Variants in ANO4 observed in about 807,000 individuals in gnomAD.
The protein encoded by ANO4 is anoctamin-4.
In ANO4, 69 loss-of-function variants were observed where a neutral mutation model predicts 141.9. The observed-to-expected ratio is 0.49, with a 90% CI of 0.40 to 0.59. The LOEUF (loss-of-function observed/expected upper bound fraction) is 0.59. Among genes scored for constraint, ANO4 ranks in the 20% least tolerant of loss-of-function variants. The pLI is 0.00. For synonymous variants in ANO4, 350 were observed against 394.3 expected (o/e 0.89, Z 1.33); for missense variants, 894 against 1,162.2 (o/e 0.77, Z 3.36).
intron 9 of ANO4, among the ~76,000 whole-genome samples, chr12:101,027,064 T>A (rs1397168135): frequency 6.6e-6 from 1 of 152,126 alleles, no homozygotes; most frequent in Non-Finnish European, 1.5e-5. Flanking sequence ...ACTAGGTGGC[T>A]AGACTTGATC....
At chr12:100,859,103 C>T (rs761325173) in intron 1 of ANO4, 3 of 152,138 alleles carry the variant, frequency 2.0e-5, no homozygotes, top group Admixed American at 2.0e-4. Flanking sequence ...TCAGGCTGTT[C>T]ACAAGTATAT....
At chr12:100,768,059 G>A (rs117771641) in intron 3 of ANO4, among the ~76,000 whole-genome samples, 1 of 152,286 alleles carries the variant, frequency 6.6e-6, no homozygotes, top group Non-Finnish European at 1.5e-5. Context: ...CTGGCACTGG[G>A]GCAGTTCTGA....
intron 1 of ANO4, chr12:100,859,332 GT>G (rs2038352018): frequency 2.0e-5 from 3 of 152,130 alleles, no homozygotes; most frequent in Admixed American, 2.0e-4. Flanking sequence ...TTTGACAGTA[GT>G]TGCTCTATCA....
intron 1 of ANO4, among the ~76,000 whole-genome samples, chr12:100,888,505 G>C (rs942791170): frequency 2.6e-5 from 4 of 152,228 alleles, no homozygotes; most frequent in Non-Finnish European, 4.4e-5. Context: ...CCTTGCAGAG[G>C]GCTTTCCAAA....
intron 1 of ANO4, among the ~76,000 whole-genome samples, chr12:100,892,589 T>A (rs2040157981): frequency 6.6e-6 from 1 of 152,188 alleles, no homozygotes; most frequent in Admixed American, 6.5e-5. Context: ...CCTCCCTCCC[T>A]TCCCCAGATA....
intron 3 of ANO4, among the ~76,000 whole-genome samples, chr12:100,754,449 G>C (rs1156930765): frequency 6.9e-6 from 1 of 145,316 alleles, no homozygotes; most frequent in Admixed American, 7.2e-5. Flanking sequence ...TGTTGTCATT[G>C]TCTAAAACAC....
At chr12:101,058,520 T>C (rs1159272596) in intron 14 of ANO4, among the ~76,000 whole-genome samples, 1 of 152,246 alleles carries the variant, frequency 6.6e-6, no homozygotes, top group Admixed American at 6.5e-5. Context: ...CATTTGTTTG[T>C]GTCCTCTCTC....
intron 4 of ANO4, among the ~76,000 whole-genome samples, chr12:100,941,425 T>C (rs2042506534): frequency 1.3e-5 from 2 of 152,180 alleles, no homozygotes; most frequent in African/African-American, 4.8e-5. Flanking sequence ...TAAAAAATGG[T>C]ATCATGTGGT....
chr12:100,967,010 C>A (rs1052288704), intron 5 of ANO4, among the ~76,000 whole-genome samples: 2 of 151,986 alleles, frequency 1.3e-5, no homozygotes, highest in African/African-American at 4.8e-5. Flanking sequence ...GTGACTGTTA[C>A]ATACCAAGGC....
intron 24 of ANO4, among the ~76,000 whole-genome samples, chr12:101,113,940 A>C (rs925173858): frequency 6.6e-6 from 1 of 152,226 alleles, no homozygotes; most frequent in Non-Finnish European, 1.5e-5. Flanking sequence ...AAGTGCCTAC[A>C]GAGGCCATCT....
chr12:100,769,741 C>T (rs2033220084), intron 3 of ANO4, among the ~76,000 whole-genome samples: 1 of 152,166 alleles, frequency 6.6e-6, no homozygotes, highest in South Asian at 2.1e-4. Context: ...ACTTCTCCCA[C>T]CCCATAGCTG....
intron 25 of ANO4, among the ~76,000 whole-genome samples, chr12:101,118,709 T>A (rs2050954185): frequency 6.6e-6 from 1 of 152,182 alleles, no homozygotes; most frequent in Non-Finnish European, 1.5e-5. Context: ...TGGAGCTTTC[T>A]TTTTATTTAT....
At chr12:100,840,657 C>T (rs1006858669) in intron 1 of ANO4, among the ~76,000 whole-genome samples, 1 of 152,130 alleles carries the variant, frequency 6.6e-6, no homozygotes, top group Non-Finnish European at 1.5e-5. Flanking sequence ...GTCACAGTCC[C>T]TCAGACATGT....
intron 1 of ANO4, among the ~76,000 whole-genome samples, chr12:100,807,699 T>C (rs887300309): frequency 1.7e-4 from 26 of 152,168 alleles, no homozygotes; most frequent in Admixed American, 2.6e-4. Context: ...CTATTCTTCC[T>C]GATGCTTTCC....
At chr12:100,756,959 C>T (rs775661420) in intron 3 of ANO4, among the ~76,000 whole-genome samples, 1 of 152,172 alleles carries the variant, frequency 6.6e-6, no homozygotes, top group Non-Finnish European at 1.5e-5. Context: ...TCCTTCTAGA[C>T]ATTTCCATCT....
rs529669651 is a variant in ANO4, at chr12:100,787,626, A to C, written c.358+47521A>C. Among the ~76,000 whole-genome samples, 3 of 152,268 alleles carry C rather than the reference A, an allele frequency of 2.0e-5. No individual in the cohort carries two copies. In the East Asian group the frequency reaches 5.8e-4, roughly 29 times the overall value. On this transcript the variant is annotated intron_variant, in intron 3 of 29. Transcript: ENST00000644049. Reference sequence around the variant, plus strand: ...AGACTATGATATTCGCTCTGGGGAAAATTAATAGCTAGACTGGGGCAATGA... The same window carrying C: ...AGACTATGATATTCGCTCTGGGGAACATTAATAGCTAGACTGGGGCAATGA...
chr12:100,938,196 G>A (rs2042363206), intron 3 of ANO4, among the ~76,000 whole-genome samples: 2 of 152,128 alleles, frequency 1.3e-5, no homozygotes, highest in South Asian at 2.1e-4. Flanking sequence ...TCTCATCTAC[G>A]TAGATCATCT....
At chr12:100,861,409 G>A (rs973013370) in intron 1 of ANO4, among the ~76,000 whole-genome samples, 7 of 152,160 alleles carry the variant, frequency 4.6e-5, no homozygotes, top group African/African-American at 1.7e-4. Flanking sequence ...GTAGGCAATT[G>A]TAACACAGTG....
chr12:100,858,821 A>AC (rs1210942576), intron 1 of ANO4, among the ~76,000 whole-genome samples: 1 of 151,906 alleles, frequency 6.6e-6, no homozygotes, highest in African/African-American at 2.4e-5. Context: ...TTCTGCTTCC[A>AC]CCCCCAGTTC....
Sources: allele counts gnomAD v4.1 joint callset (sites outside exome capture counted in the v4.1 genomes callset), GRCh38; gene constraint gnomAD v4.1.1; transcripts MANE v1.5; gene names NCBI Gene and HGNC (gene_info 2026-07-23, HGNC 2026-07-21).